TAAR8: variants seen among roughly 807,000 people sequenced by gnomAD.
TAAR8 encodes trace amine associated receptor 8.
For missense variants in TAAR8, 459 were observed against 405.8 expected (o/e 1.13, Z -1.13); for synonymous variants, 157 against 152.7 (o/e 1.03, Z -0.21).
exon 1 of TAAR8, chr6:132,553,685 G>C (rs1271436554): frequency 6.3e-7 from 1 of 1,599,576 alleles, no homozygotes. Context: ...ATGTTTTAAA[G>C]GCTAGTTCAT....
chr6:132,552,719 TG>T lies in TAAR8; in HGVS notation c.28del (p.Val10CysfsTer8), dbSNP rs1776397431. The T allele has an allele frequency of 6.2e-7, 1 of 1,612,720 alleles. No individual in the cohort carries two copies. The highest frequency in any genetic ancestry group is 8.5e-7 in the Non-Finnish European group (1 of 1,179,052). On this transcript the variant is annotated frameshift_variant, in exon 1 of 1. Transcript: ENST00000275200. LOFTEE classifies it low-confidence loss of function (END_TRUNC). ...TGACCAGCAATTTTTCCCAACCTGT[TG>T]TGCAGCTTTGCTATGAGGATGTGAA...
exon 1 of TAAR8, chr6:132,553,606 T>C (rs936392736): frequency 3.1e-6 from 5 of 1,614,014 alleles, no homozygotes; most frequent in Non-Finnish European, 4.2e-6. Flanking sequence ...AACTCAGCCA[T>C]GAATCCTTTG....
chr6:132,553,291 T>C (rs1353411901), exon 1 of TAAR8: 6 of 1,614,242 alleles, frequency 3.7e-6, no homozygotes, highest in East Asian at 4.5e-5. Flanking sequence ...TGGGTGTTGA[T>C]AGATTTTCTG....
upstream of TAAR8, chr6:132,552,682 A>G: frequency 6.3e-7 from 1 of 1,579,636 alleles, no homozygotes; most frequent in South Asian, 1.2e-5. Context: ...CAAACAACAA[A>G]CAGCAGAACC....
chr6:132,552,789 A>T (rs1002831945), exon 1 of TAAR8: 1 of 1,614,174 alleles, frequency 6.2e-7, no homozygotes, highest in Non-Finnish European at 8.5e-7. Context: ...GTCCCGGGTA[A>T]TTCTGTACAC....
chr6:132,552,791 T>C, exon 1 of TAAR8: 1 of 1,614,210 alleles, frequency 6.2e-7, no homozygotes, highest in Non-Finnish European at 8.5e-7. Flanking sequence ...CCCGGGTAAT[T>C]CTGTACACGG....
Position 132,552,747 on chromosome 6 carries a change from G to T in TAAR8, c.55G>T (p.Gly19Ter). 6.2e-7 allele frequency: 1 copy of T among 1,614,198 alleles called. No homozygotes were observed. The highest frequency in any genetic ancestry group is 1.1e-5 in the South Asian group (1 of 91,078). The change falls in exon 1 of 1, where the codon GGA (glycine) becomes TGA (stop). Residue 19 changes from glycine to a stop codon, truncating the protein, a stop_gained. Coordinates refer to ENST00000275200, the Ensembl canonical transcript of TAAR8. LOFTEE classifies it low-confidence loss of function (END_TRUNC). Reference sequence around the variant, plus strand: ...GCAGCTTTGCTATGAGGATGTGAATGGATCTTGTATTGAAACTCCCTATTC... The same window carrying T: ...GCAGCTTTGCTATGAGGATGTGAATTGATCTTGTATTGAAACTCCCTATTC...
chr6:132,553,270 TAAGTC>T lies in TAAR8; in HGVS notation c.582_586del (p.Ser194ArgfsTer23). ...TGCGTAGGTGGCTGTCAAATTATTG[TAAGTC>T]AAGGCTGGGTGTTGATAGATTTTCT... On this transcript the variant is annotated frameshift_variant, in exon 1 of 1. Coordinates refer to ENST00000275200, the Ensembl canonical transcript of TAAR8. LOFTEE classifies it low-confidence loss of function (END_TRUNC). 1 of 1,614,166 alleles carries T rather than the reference TAAGTC, an allele frequency of 6.2e-7. No homozygotes were observed. Among genetic ancestry groups the T allele is most frequent in the Non-Finnish European group, 8.5e-7 (1 of 1,180,028 alleles).
exon 1 of TAAR8, chr6:132,553,477 C>A (rs553376051): frequency 1.2e-6 from 2 of 1,613,970 alleles, no homozygotes; most frequent in Non-Finnish European, 1.7e-6. Context: ...CTGGGGGTCA[C>A]GGTACTAGCA....
chr6:132,553,034 T>C (rs1312275439), exon 1 of TAAR8: 3 of 1,614,094 alleles, frequency 1.9e-6, no homozygotes, highest in African/African-American at 2.7e-5. Context: ...ATGTGGCATT[T>C]TGTTACTCTT....
chr6:132,552,808 G>T, exon 1 of TAAR8: 1 of 1,614,140 alleles, frequency 6.2e-7, no homozygotes, highest in South Asian at 1.1e-5. Flanking sequence ...ACGGCGTTTA[G>T]CTTTGGGTCT....
chr6:132,552,798 ACGGCGTTTAGCTT>A lies in TAAR8; in HGVS notation c.107_119del (p.Thr36MetfsTer12). The A allele has an allele frequency of 6.2e-7, 1 of 1,614,114 alleles. No homozygotes were observed. The highest frequency in any genetic ancestry group is 8.5e-7 in the Non-Finnish European group (1 of 1,180,018). On this transcript the variant is annotated frameshift_variant, in exon 1 of 1. Transcript: ENST00000275200. LOFTEE classifies it low-confidence loss of function (END_TRUNC). ...TCCTGGGTCCCGGGTAATTCTGTAC[ACGGCGTTTAGCTT>A]TGGGTCTTTGCTGGCTGTATTTGGA...
At chr6:132,553,743 A>T, downstream of TAAR8, 1 of 1,374,540 alleles carries the variant, frequency 7.3e-7, no homozygotes, top group Non-Finnish European at 9.6e-7. Flanking sequence ...AAGTTGAGAA[A>T]ATTAAGAATA....
exon 1 of TAAR8, chr6:132,552,862 T>C (rs1366261894): frequency 1.2e-6 from 2 of 1,614,114 alleles, no homozygotes; most frequent in African/African-American, 2.7e-5. Context: ...ACTTCTGTTC[T>C]TCATTTTAAG....
exon 1 of TAAR8, chr6:132,553,411 C>G (rs759649921): frequency 6.2e-7 from 1 of 1,614,078 alleles, no homozygotes; most frequent in South Asian, 1.1e-5. Flanking sequence ...GTAGAATCAT[C>G]CTCAGAGAGT....
At chr6:132,553,719 T>C in exon 1 of TAAR8, 14 of 1,528,418 alleles carry the variant, frequency 9.2e-6, no homozygotes, top group African/African-American at 1.4e-5. Flanking sequence ...ATTTTTAGAA[T>C]AAGTTTAAGC....
exon 1 of TAAR8, chr6:132,552,889 C>G (rs369666436): frequency 6.2e-7 from 1 of 1,614,110 alleles, no homozygotes; most frequent in African/African-American, 1.3e-5. Context: ...CACTCTCCAA[C>G]CAATTTTCTC....
rs776591722 is a variant in TAAR8 at position 132,552,723 on chromosome 6, C to T, written c.31C>T (p.Gln11Ter). 7 of 1,612,852 alleles carry T rather than the reference C, an allele frequency of 4.3e-6. No homozygotes were observed. The Admixed American group carries it at 1.2e-4, about 27-fold the overall frequency. The change falls in exon 1 of 1, where the codon CAG becomes TAG. Residue 11 changes from glutamine to a stop codon, truncating the protein, a stop_gained. Transcript: ENST00000275200. LOFTEE classifies it low-confidence loss of function (END_TRUNC). Reference sequence around the variant, plus strand: ...CAGCAATTTTTCCCAACCTGTTGTGCAGCTTTGCTATGAGGATGTGAATGG... The same window carrying T: ...CAGCAATTTTTCCCAACCTGTTGTGTAGCTTTGCTATGAGGATGTGAATGG...
At chr6:132,553,291 T>G (rs1353411901) in exon 1 of TAAR8, 2 of 1,614,242 alleles carry the variant, frequency 1.2e-6, no homozygotes, top group Admixed American at 3.3e-5. Context: ...TGGGTGTTGA[T>G]AGATTTTCTG....
Sources: allele counts gnomAD v4.1 joint callset, GRCh38; gene constraint gnomAD v4.1.1; transcripts MANE v1.5; gene names NCBI Gene and HGNC (gene_info 2026-07-23, HGNC 2026-07-21).